CADM2: variants seen among roughly 807,000 people sequenced by gnomAD.
CADM2 encodes cell adhesion molecule 2, also known as immunoglobulin superfamily member 4D.
CADM2 carries 12 observed loss-of-function variants against 49.8 expected under a neutral mutation model. The ratio of observed to expected loss-of-function variants is 0.24; its 90% confidence interval spans 0.15 to 0.39. The LOEUF (loss-of-function observed/expected upper bound fraction) is 0.39, where lower values mean the gene tolerates loss of function less well. Ranked by LOEUF, CADM2 falls within the 10% of genes least tolerant of loss-of-function variation. CADM2 has a pLI of 1.00. For missense variants in CADM2, 378 were observed against 492.3 expected, an observed-to-expected ratio of 0.77 and a Z score of 2.20; for synonymous variants, 214 against 175.4, an observed-to-expected ratio of 1.22 and a Z score of -1.74.
chr3:85,852,637 A>C (rs1393303737), intron 3 of CADM2, among the ~76,000 whole-genome samples: 2 of 152,162 alleles, frequency 1.3e-5, no homozygotes, highest in Admixed American at 6.5e-5. Context: ...ATGTGAAGAC[A>C]CTGTAAATCT....
chr3:85,961,637 C>T lies in CADM2; in HGVS notation c.960C>T (p.Leu320=), dbSNP rs754289590. The change falls in exon 8 of 10, where the codon CTC becomes CTT. Residue 320 remains leucine (L), a synonymous_variant. Coordinates refer to ENST00000383699, the MANE Select transcript of CADM2 (RefSeq NM_001167675.2). ...TIGQSSAEYV[L]IVHDPNALAG... ...GCCAAAGCAGTGCGGAATATGTTCT[C>T]ATTGTGCATGGTGAGTAAATTTTGG... 2.6e-6 allele frequency: 4 copies of T among 1,560,246 alleles called. No individual in the cohort carries two copies. In the Admixed American group the frequency reaches 6.8e-5, roughly 27 times the overall value.
intron 1 of CADM2, among the ~76,000 whole-genome samples, chr3:85,581,814 G>T (rs2062806796): frequency 6.7e-6 from 1 of 149,796 alleles, no homozygotes; most frequent in Admixed American, 6.7e-5. Context: ...TGAGCTTCGA[G>T]TATTTATACT....
chr3:85,332,384 A>G (rs1334356507), intron 1 of CADM2, among the ~76,000 whole-genome samples: 1 of 152,010 alleles, frequency 6.6e-6, no homozygotes. Flanking sequence ...GGAATATATT[A>G]GGGAGATCAG....
intron 7 of CADM2, among the ~76,000 whole-genome samples, chr3:85,949,411 G>C (rs1022343584): frequency 7.3e-5 from 11 of 151,094 alleles, no homozygotes; most frequent in African/African-American, 2.7e-4. Context: ...GAGAAAGCTG[G>C]GTATTGCAGA....
chr3:85,213,018 G>A (rs2041837795), intron 1 of CADM2, among the ~76,000 whole-genome samples: 1 of 151,566 alleles, frequency 6.6e-6, no homozygotes, highest in African/African-American at 2.4e-5. Flanking sequence ...TAGTAGCTGA[G>A]ACTATAGGTT....
intron 1 of CADM2, among the ~76,000 whole-genome samples, chr3:85,701,859 AGAT>A (rs976047458): frequency 3.1e-4 from 4 of 12,808 alleles, no homozygotes; most frequent in African/African-American, 1.2e-3. Flanking sequence ...CTGTTGTAAA[AGAT>A]AGATAGATAG....
intron 1 of CADM2, among the ~76,000 whole-genome samples, chr3:85,192,557 AAT>A (rs552501923): frequency 3.4e-5 from 5 of 145,964 alleles, no homozygotes; most frequent in East Asian, 4.1e-4. Context: ...CTTAAAAGTG[AAT>A]ATATATATAT....
intron 1 of CADM2, among the ~76,000 whole-genome samples, chr3:85,505,524 T>C (rs1226429829): frequency 6.6e-6 from 1 of 152,228 alleles, no homozygotes; most frequent in African/African-American, 2.4e-5. Context: ...AGAATGTTTC[T>C]GATTATACCA....
At chr3:85,735,855 T>C (rs144557116) in intron 2 of CADM2, among the ~76,000 whole-genome samples, 226 of 145,190 alleles carry the variant, frequency 1.6e-3, no homozygotes, top group African/African-American at 5.2e-3. Context: ...GTTTTCATCA[T>C]GTAAAGTTGA....
At chr3:85,659,187 TG>T (rs2065318830) in intron 1 of CADM2, among the ~76,000 whole-genome samples, 1 of 151,786 alleles carries the variant, frequency 6.6e-6, no homozygotes, top group African/African-American at 2.4e-5. Flanking sequence ...CTTACACTCA[TG>T]GGAATATAAT....
intron 6 of CADM2, among the ~76,000 whole-genome samples, chr3:85,914,838 G>C (rs1018496979): frequency 6.6e-6 from 1 of 152,134 alleles, no homozygotes; most frequent in Non-Finnish European, 1.5e-5. Flanking sequence ...GTGTTCTCAG[G>C]ATTAGGAGCA....
intron 2 of CADM2, among the ~76,000 whole-genome samples, chr3:85,796,953 G>T (rs1214105179): frequency 6.6e-6 from 1 of 151,732 alleles, no homozygotes; most frequent in African/African-American, 2.4e-5. Flanking sequence ...AAATTAACTG[G>T]GTGTGGTGAC....
chr3:85,399,370 C>T (rs1216851005), intron 1 of CADM2, among the ~76,000 whole-genome samples: 1 of 151,568 alleles, frequency 6.6e-6, no homozygotes, highest in Non-Finnish European at 1.5e-5. Flanking sequence ...GTACCAGTAC[C>T]ATGCTGTAGC....
chr3:85,271,783 C>G (rs780199284), intron 1 of CADM2, among the ~76,000 whole-genome samples: 44 of 150,568 alleles, frequency 2.9e-4, no homozygotes, highest in Non-Finnish European at 5.1e-4. Flanking sequence ...AAGACAAAAC[C>G]CAAAAATAAA....
intron 1 of CADM2, among the ~76,000 whole-genome samples, chr3:85,317,932 A>G (rs930293333): frequency 6.6e-6 from 1 of 152,236 alleles, no homozygotes; most frequent in Non-Finnish European, 1.5e-5. Context: ...AAGGAAAAAC[A>G]TCATATTGAA....
intron 1 of CADM2, among the ~76,000 whole-genome samples, chr3:85,152,979 T>A (rs559880672): frequency 2.5e-3 from 339 of 137,458 alleles, no homozygotes; most frequent in African/African-American, 7.7e-3. Context: ...AAAAAAAAAA[T>A]GTAAAAAAAA....
intron 6 of CADM2, among the ~76,000 whole-genome samples, chr3:85,925,495 A>G (rs1347970427): frequency 2.0e-5 from 3 of 152,222 alleles, no homozygotes; most frequent in Non-Finnish European, 4.4e-5. Context: ...TACAAACGGG[A>G]AAAATAAACT....
At chr3:85,095,754 A>G (rs1420865850) in intron 1 of CADM2, among the ~76,000 whole-genome samples, 1 of 152,176 alleles carries the variant, frequency 6.6e-6, no homozygotes, top group East Asian at 1.9e-4. Context: ...TAATTATTCC[A>G]CCAGTGAACA....
intron 1 of CADM2, among the ~76,000 whole-genome samples, chr3:85,497,958 A>G (rs2107659039): frequency 6.6e-6 from 1 of 152,038 alleles, no homozygotes; most frequent in Admixed American, 6.6e-5. Context: ...TAGATTCTGT[A>G]TTTGTGAAAT....
Sources: gnomAD v4.1 joint callset for allele counts (sites outside exome capture counted in the v4.1 genomes callset) on GRCh38, gnomAD v4.1.1 for gene constraint, MANE v1.5 for transcripts, NCBI Gene and HGNC (gene_info 2026-07-23, HGNC 2026-07-21) for gene names.